The following LGALS3BP variants were observed in gnomAD, a reference collection of about 807,000 sequenced individuals.
The protein encoded by LGALS3BP is galectin 3 binding protein.
LGALS3BP carries 25 observed loss-of-function variants against 22.9 expected under a neutral mutation model. The ratio of observed to expected loss-of-function variants is 1.09; its 90% CI spans 0.80 to 1.53. The LOEUF is 1.53. Ranked by LOEUF, LGALS3BP falls within the 40% of genes most tolerant of loss-of-function variation. The pLI, the probability that LGALS3BP is intolerant of heterozygous loss-of-function variation, is 0.00. For synonymous variants in LGALS3BP, 335 were observed against 331.1 expected (o/e 1.01, Z -0.13); for missense variants, 718 against 752.0 (o/e 0.95, Z 0.53).
intron 1 of LGALS3BP, among the ~76,000 whole-genome samples, chr17:78,978,135 G>A (rs1296593845): frequency 1.3e-5 from 2 of 152,226 alleles, no homozygotes; most frequent in African/African-American, 2.4e-5. Flanking sequence ...TGGCACTGCT[G>A]TGGGCACCGG....
At chr17:78,979,014 G>A (rs534831248) in intron 1 of LGALS3BP, among the ~76,000 whole-genome samples, 8 of 151,890 alleles carry the variant, frequency 5.3e-5, no homozygotes, top group Non-Finnish European at 8.8e-5. Context: ...GGCAGAGATT[G>A]TAGTGAGCCG....
rs927062856 is a variant in LGALS3BP at position 78,976,266 on chromosome 17, G to T, written c.53-110C>A. The T allele has an allele frequency of 1.6e-5, 16 of 979,674 alleles. No individual in the cohort carries two copies. Among genetic ancestry groups the T allele is most frequent in the Non-Finnish European group, 2.2e-5 (15 of 686,388 alleles). The allele number at this position is 979,674 out of a possible 1,614,324, so 60.7% of individuals were successfully genotyped here. On this transcript the variant is annotated intron_variant, in intron 2 of 5. Coordinates refer to ENST00000262776, the MANE Select transcript of LGALS3BP (RefSeq NM_005567.4). This position sits in a 1 kb window ranked among gnomAD's most constrained non-coding sequence, Gnocchi z 4.6. The stretch of plus-strand genomic sequence containing the variant: ...CTCCCCTGCTGAGCTTGTATTTCAG[G>T]GCTTCAAGGTCCCCTGGCCTCTCCA...
intron 3 of LGALS3BP, 88 bp downstream of exon 3, chr17:78,975,877 G>GA: frequency 1.4e-6 from 1 of 711,484 alleles, no homozygotes; most frequent in Non-Finnish European, 2.1e-6. Context: ...TTTGAAACCT[G>GA]ACTGTTTCGT....
intron 1 of LGALS3BP, among the ~76,000 whole-genome samples, chr17:78,978,911 A>AAAT (rs1039816234): frequency 9.2e-5 from 14 of 152,044 alleles, no homozygotes; most frequent in African/African-American, 1.4e-4. Flanking sequence ...TAAAAATACA[A>AAAT]AATAATAATA....
Position 78,976,754 on chromosome 17 carries a change from T to C in LGALS3BP, c.52+386A>G, listed in dbSNP as rs1232508011. On this transcript the variant is annotated intron_variant, in intron 2 of 5. Coordinates refer to ENST00000262776, the MANE Select transcript of LGALS3BP (RefSeq NM_005567.4). The surrounding 1 kb of genome is among the most constrained non-coding windows in gnomAD (Gnocchi z 4.6). The stretch of plus-strand genomic sequence containing the variant: ...TTCCATGGGGCCCCCAGGATGAGCA[T>C]GAGCTTCCAGGGGCTCACAGTGTAA... 4 of 222,014 alleles carry C rather than the reference T, an allele frequency of 1.8e-5. No individual in the cohort carries two copies. The highest frequency in any genetic ancestry group is 5.2e-5 in the Admixed American group (1 of 19,324). The allele number at this position is 222,014 out of a possible 1,614,324, so 13.8% of individuals were successfully genotyped here. A position where few individuals can be genotyped will look rare whatever the true frequency, so the allele number is the denominator to read the frequency against.
In LGALS3BP at chr17:78,975,791, C is replaced by CAAA. The variant is rs60470107; in HGVS notation, c.244+171_244+173dup. Reference sequence around the variant, plus strand: ...TGGGCAACAGAGCGAGACTCCATCTCAAAAAAAAAAAAAAAAAAAAAAAAA... The same window carrying CAAA: ...TGGGCAACAGAGCGAGACTCCATCTCAAAAAAAAAAAAAAAAAAAAAAAAAAAA... On this transcript the variant is annotated intron_variant, in intron 3 of 5. Coordinates refer to ENST00000262776, the MANE Select transcript of LGALS3BP (RefSeq NM_005567.4). Among the ~76,000 whole-genome samples the CAAA allele has an allele frequency of 5.5e-3, 285 of 52,272 alleles. 16 individuals carry two copies. Among genetic ancestry groups the CAAA allele is most frequent in the East Asian group, 0.037 (56 of 1,512 alleles). 34.3% of individuals were successfully genotyped at this position (52,272 alleles called of 152,430 possible). A position where few individuals can be genotyped will look rare whatever the true frequency, so the allele number is the denominator to read the frequency against.
Position 78,976,059 on chromosome 17 carries a change from G to T in LGALS3BP, c.150C>A (p.Asp50Glu). Residue 50 changes from aspartate to glutamate, a missense_variant, in exon 3 of 6, where the codon GAC becomes GAA. Transcript: ENST00000262776. The surrounding 1 kb of genome is among the most constrained non-coding windows in gnomAD (Gnocchi z 4.6). ...FYRGQWGTVCDNLWDLTDASV... is the reference protein window; with the variant it reads ...FYRGQWGTVCENLWDLTDASV... ...TGGCATCAGTCAGGTCCCACAGGTT[G>T]TCACACACAGTGCCCCACTGGCCTC... 1 of 1,612,400 alleles carries T rather than the reference G, an allele frequency of 6.2e-7. No individual in the cohort carries two copies. The highest frequency in any genetic ancestry group is 8.5e-7 in the Non-Finnish European group (1 of 1,179,688).
Position 78,974,725 on chromosome 17 carries a change from G to T in LGALS3BP, c.339C>A (p.Cys113Ter). 6.2e-7 allele frequency: 1 copy of T among 1,613,824 alleles called. No individual in the cohort carries two copies. Among genetic ancestry groups the T allele is most frequent in the South Asian group, 1.1e-5 (1 of 91,086 alleles). ...CCACACCAGCGTCTCTCTCGTGCCTGCAGTTGCTCTTCAGCCAGCCCAGGG... is the reference window on the plus strand; with the variant it reads ...CCACACCAGCGTCTCTCTCGTGCCTTCAGTTGCTCTTCAGCCAGCCCAGGG... Reference protein sequence around the residue: ...CKSLGWLKSNCRHERDAGVVC... With the variant: ...CKSLGWLKSN Residue 113 changes from cysteine to a stop codon, truncating the protein, a stop_gained, in exon 4 of 6, where the codon TGC becomes TGA. Coordinates refer to ENST00000262776, the MANE Select transcript of LGALS3BP (RefSeq NM_005567.4). LOFTEE classifies it high-confidence loss of function.
At chr17:78,975,141 C>T (rs1031503149) in intron 3 of LGALS3BP, 3 of 344,110 alleles carry the variant, frequency 8.7e-6, no homozygotes, top group Non-Finnish European at 1.6e-5. Context: ...ATCAGGTTCA[C>T]ATACTGTAAT....
At position 78,971,906 on chromosome 17, in the gene LGALS3BP, C is replaced by A; in HGVS notation, c.1428G>T (p.Val476=). The change falls in exon 6 of 6, where the codon GTG becomes GTT. Residue 476 remains valine, a synonymous_variant. Coordinates refer to ENST00000262776, the MANE Select transcript of LGALS3BP (RefSeq NM_005567.4). This position sits in a 1 kb window ranked among gnomAD's most constrained non-coding sequence, Gnocchi z 5.6. ...TGGGGAGGTAGACCAGGGACCAGGA[C>A]ACCCTCTTGTCCTGGAAGAGGAAGC... The part of the protein sequence containing the change: ...HPSFLFQDKR[V]SWSLVYLPTI... 6.2e-7 allele frequency: 1 copy of A among 1,614,150 alleles called. No homozygotes were observed. Among genetic ancestry groups the A allele is most frequent in the Non-Finnish European group, 8.5e-7 (1 of 1,180,016 alleles).
At chr17:78,974,544 G>A (rs1187653483) in intron 4 of LGALS3BP, 144 bp downstream of exon 4, 22 of 917,674 alleles carry the variant, frequency 2.4e-5, no homozygotes, top group Non-Finnish European at 3.4e-5. Flanking sequence ...GGACGTCTGG[G>A]CCTCTCCATG....
chr17:78,974,562 G>T, intron 4 of LGALS3BP, 126 bp downstream of exon 4: 1 of 1,125,434 alleles, frequency 8.9e-7, no homozygotes, highest in Non-Finnish European at 1.3e-6. Context: ...ATGCGGAGTG[G>T]GCAGGCGGTA....
Position 78,972,768 on chromosome 17 carries a change from C to T in LGALS3BP, c.630-64G>A. 1 of 1,500,814 alleles carries T rather than the reference C, an allele frequency of 6.7e-7. No individual in the cohort carries two copies. Among genetic ancestry groups the T allele is most frequent in the Non-Finnish European group, 8.9e-7 (1 of 1,124,774 alleles). The allele number at this position is 1,500,814 out of a possible 1,614,324, so 93.0% of individuals were successfully genotyped here. ...GACAGCAGGGGAGCCCTGGGCCCAA[C>T]TGTCCAACACAGCCACCTGAGTGCA... is the stretch of plus-strand genomic sequence containing the variant. On this transcript the variant is annotated intron_variant, in intron 5 of 5. Transcript: ENST00000262776. This position sits in a 1 kb window ranked among gnomAD's most constrained non-coding sequence, Gnocchi z 5.1.
In LGALS3BP at chr17:78,977,196, G is replaced by A. The variant is rs374581300; in HGVS notation, c.-5C>T. 51 of 1,612,392 alleles carry A rather than the reference G, an allele frequency of 3.2e-5. No individual in the cohort carries two copies. The highest frequency in any genetic ancestry group is 1.6e-4 in the Middle Eastern group (1 of 6,062). On this transcript the variant is annotated 5_prime_UTR_variant, in exon 2 of 6. It adds an upstream start codon to the 5' untranslated region. Transcript: ENST00000262776. ...GAAGAGCCTCGGAGGGGTCATGGCCGTGCCTGGATGCCCAGATCCTGCAGC... is the reference window on the plus strand; with the variant it reads ...GAAGAGCCTCGGAGGGGTCATGGCCATGCCTGGATGCCCAGATCCTGCAGC...
intron 4 of LGALS3BP, among the ~76,000 whole-genome samples, chr17:78,974,259 A>T (rs1369845622): frequency 2.0e-5 from 3 of 152,256 alleles, no homozygotes; most frequent in African/African-American, 7.2e-5. Context: ...GGTTCCCTCC[A>T]AACTGGGCCA....
rs1235856904 is a variant in LGALS3BP, at chr17:78,976,776, G to A, written c.52+364C>T. The A allele has an allele frequency of 1.5e-5, 4 of 272,902 alleles. No homozygotes were observed. Among genetic ancestry groups the A allele is most frequent in the East Asian group, 1.0e-4 (1 of 9,564 alleles). 16.9% of individuals were successfully genotyped at this position (272,902 alleles called of 1,614,324 possible). A position where few individuals can be genotyped will look rare whatever the true frequency, so the allele number is the denominator to read the frequency against. The stretch of plus-strand genomic sequence containing the variant: ...GCATGAGCTTCCAGGGGCTCACAGT[G>A]TAAAGAATGTGAGGAAAAGCAGCCA... On this transcript the variant is annotated intron_variant, in intron 2 of 5. Transcript: ENST00000262776. The surrounding 1 kb of genome is among the most constrained non-coding windows in gnomAD (Gnocchi z 4.6).
Position 78,977,308 on chromosome 17 carries a change from G to A in LGALS3BP, c.-23-94C>T, listed in dbSNP as rs547809508. On this transcript the variant is annotated intron_variant, in intron 1 of 5. Coordinates refer to ENST00000262776, the MANE Select transcript of LGALS3BP (RefSeq NM_005567.4). ...GCCCATTCACCCTTCAGCCCAACCTGGGCTGTGTGGCAGGCGGGGTCCCTC... is the reference window on the plus strand; with the variant it reads ...GCCCATTCACCCTTCAGCCCAACCTAGGCTGTGTGGCAGGCGGGGTCCCTC... 34 of 987,930 alleles carry A rather than the reference G, an allele frequency of 3.4e-5. No individual in the cohort carries two copies. In the East Asian group the frequency reaches 4.4e-4, roughly 13 times the overall value. 61.2% of individuals were successfully genotyped at this position (987,930 alleles called of 1,614,324 possible).
rs1247597553 is a variant in LGALS3BP, at chr17:78,972,128, A to G, written c.1206T>C (p.Asp402=). ...AGGTGTAAATCCGGGGCTTGTAGGTATCCTCGGTGAGGTTCAGGCCTTTGT... is the reference window on the plus strand; with the variant it reads ...AGGTGTAAATCCGGGGCTTGTAGGTGTCCTCGGTGAGGTTCAGGCCTTTGT... ...ARYKGLNLTE[D]TYKPRIYTSP... Residue 402 remains aspartate, a synonymous_variant, in exon 6 of 6, where the codon GAT becomes GAC. Transcript: ENST00000262776. This position sits in a 1 kb window ranked among gnomAD's most constrained non-coding sequence, Gnocchi z 5.1. 2 of 1,613,260 alleles carry G rather than the reference A, an allele frequency of 1.2e-6. No homozygotes were observed. Among genetic ancestry groups the G allele is most frequent in the East Asian group, 2.2e-5 (1 of 44,832 alleles).
intron 2 of LGALS3BP, 102 bp downstream of exon 2, chr17:78,977,038 C>T: frequency 8.0e-7 from 1 of 1,252,502 alleles, no homozygotes; most frequent in Non-Finnish European, 1.2e-6. Flanking sequence ...ACCGCTGGGC[C>T]CCGGGCCCCA....
Sources: allele counts gnomAD v4.1 joint callset (sites outside exome capture counted in the v4.1 genomes callset), GRCh38; gene constraint gnomAD v4.1.1; non-coding constraint Gnocchi (gnomAD v3.1); transcripts MANE v1.5; gene names NCBI Gene and HGNC (gene_info 2026-07-23, HGNC 2026-07-21).